Variants in EXOC4 observed in about 807,000 individuals in gnomAD.
EXOC4 encodes SEC8-like 1.
Under a neutral mutation model 107.2 loss-of-function variants are expected in EXOC4, and 71 were observed. The observed-to-expected ratio is 0.66, with a 90% confidence interval of 0.55 to 0.81. EXOC4 has a LOEUF of 0.81. EXOC4 is among the 30% of genes least tolerant of loss of function. EXOC4 has a pLI of 0.00. For missense variants in EXOC4, 1,108 were observed against 1,189.6 expected (o/e 0.93, Z 1.01); for synonymous variants, 456 against 441.2 (o/e 1.03, Z -0.42).
intron 17 of EXOC4, among the ~76,000 whole-genome samples, chr7:134,024,407 C>T (rs989455045): frequency 2.0e-5 from 3 of 151,188 alleles, no homozygotes; most frequent in East Asian, 1.9e-4. Flanking sequence ...GCCGAGATCG[C>T]GCCACTGCAC....
chr7:133,271,164 C>T (rs779906498), intron 1 of EXOC4, among the ~76,000 whole-genome samples: 17 of 151,972 alleles, frequency 1.1e-4, no homozygotes, highest in Non-Finnish European at 2.2e-4. Flanking sequence ...GTGATCTGCC[C>T]GCCCCGGCCT....
chr7:133,834,133 T>A (rs1165765907), intron 11 of EXOC4, among the ~76,000 whole-genome samples: 2 of 152,066 alleles, frequency 1.3e-5, no homozygotes, highest in Non-Finnish European at 2.9e-5. Context: ...TATGATGAGG[T>A]TTCTCTTCAA....
chr7:133,781,134 C>A (rs1796457456), intron 10 of EXOC4, among the ~76,000 whole-genome samples: 2 of 152,156 alleles, frequency 1.3e-5, no homozygotes, highest in Admixed American at 6.5e-5. Flanking sequence ...TTATGTCTTT[C>A]TATATAATGG....
intron 10 of EXOC4, among the ~76,000 whole-genome samples, chr7:133,801,803 A>G (rs1469132599): frequency 6.6e-6 from 1 of 152,278 alleles, no homozygotes; most frequent in East Asian, 1.9e-4. Flanking sequence ...ATCATGTCCT[A>G]CCCATTCTGG....
intron 5 of EXOC4, among the ~76,000 whole-genome samples, chr7:133,355,416 T>C (rs1795999727): frequency 1.3e-5 from 2 of 151,734 alleles, no homozygotes; most frequent in Admixed American, 1.3e-4. Flanking sequence ...TAACGTCCTG[T>C]TTTTTTTGGC....
intron 10 of EXOC4, among the ~76,000 whole-genome samples, chr7:133,671,884 G>A (rs1166977868): frequency 1.3e-5 from 2 of 152,190 alleles, no homozygotes; most frequent in African/African-American, 4.8e-5. Flanking sequence ...GTAAGATCGT[G>A]AGTTTGGTTT....
intron 10 of EXOC4, among the ~76,000 whole-genome samples, chr7:133,655,293 G>A (rs1188688219): frequency 6.6e-6 from 1 of 152,038 alleles, no homozygotes; most frequent in Non-Finnish European, 1.5e-5. Context: ...TTAAATTAGG[G>A]TAGTTAGCAT....
chr7:133,450,203 T>C (rs1480390243), intron 7 of EXOC4, among the ~76,000 whole-genome samples: 1 of 152,108 alleles, frequency 6.6e-6, no homozygotes, highest in African/African-American at 2.4e-5. Context: ...GACAGAGTCT[T>C]GCCCTGTTGC....
chr7:133,834,632 G>A (rs1414795867), intron 11 of EXOC4, among the ~76,000 whole-genome samples: 1 of 152,214 alleles, frequency 6.6e-6, no homozygotes, highest in Non-Finnish European at 1.5e-5. Context: ...AGAATTAATA[G>A]GGTGGAAGGA....
chr7:133,317,317 T>C lies in EXOC4; in HGVS notation c.690T>C (p.Ile230=). The C allele has an allele frequency of 6.2e-7, 1 of 1,613,766 alleles. No individual in the cohort carries two copies. The highest frequency in any genetic ancestry group is 2.2e-5 in the East Asian group (1 of 44,874). ...SLVKDASVPL[I]DVTNLPTPRK... ...TGAAAGATGCTTCTGTTCCTCTGAT[T>C]GATGTTACAAACCTCCCTACTCCTC... Residue 230 remains isoleucine (I), a synonymous_variant, in exon 5 of 18, where the codon ATT becomes ATC. Transcript: ENST00000253861.
intron 10 of EXOC4, among the ~76,000 whole-genome samples, chr7:133,696,774 T>C (rs1585085510): frequency 6.6e-6 from 1 of 152,336 alleles, no homozygotes; most frequent in South Asian, 2.1e-4. Context: ...ACCACAATTT[T>C]ATTTAATTTC....
At chr7:133,970,339 T>C (rs1294461700) in intron 14 of EXOC4, among the ~76,000 whole-genome samples, 1 of 151,720 alleles carries the variant, frequency 6.6e-6, no homozygotes, top group Non-Finnish European at 1.5e-5. Flanking sequence ...CAGCCCCCTT[T>C]CCAGGGGGGT....
chr7:133,751,888 T>C (rs915964824), intron 10 of EXOC4, among the ~76,000 whole-genome samples: 1 of 151,958 alleles, frequency 6.6e-6, no homozygotes, highest in Non-Finnish European at 1.5e-5. Flanking sequence ...CCCATACTTA[T>C]AATTTCAGAA....
the EXOC4 span, among the ~76,000 whole-genome samples, chr7:134,078,168 T>C: frequency 2.1e-3 from 314 of 152,264 alleles, no homozygotes; most frequent in Middle Eastern, 0.01. Flanking sequence ...ATTTATGTCT[T>C]TTGCTTTACC....
At chr7:133,940,395 A>G (rs962164751) in intron 14 of EXOC4, among the ~76,000 whole-genome samples, 6 of 152,230 alleles carry the variant, frequency 3.9e-5, no homozygotes, top group African/African-American at 1.4e-4. Context: ...GATCTCATCT[A>G]CCACGCCTGT....
intron 14 of EXOC4, among the ~76,000 whole-genome samples, chr7:133,986,354 A>G (rs928537842): frequency 6.6e-6 from 1 of 152,230 alleles, no homozygotes; most frequent in Non-Finnish European, 1.5e-5. Flanking sequence ...ACATAGCAAA[A>G]GAACTTAAAA....
intron 10 of EXOC4, among the ~76,000 whole-genome samples, chr7:133,790,951 G>A (rs1030881501): frequency 6.6e-6 from 1 of 152,168 alleles, no homozygotes; most frequent in East Asian, 1.9e-4. Flanking sequence ...ACATTACATC[G>A]ATTGAATTGT....
chr7:133,748,327 G>C (rs1795720295), intron 10 of EXOC4, among the ~76,000 whole-genome samples: 1 of 152,190 alleles, frequency 6.6e-6, no homozygotes, highest in Middle Eastern at 3.4e-3. Flanking sequence ...ACTCTACAGT[G>C]ACCCTTCTTC....
At chr7:133,935,912 A>G (rs1230892335) in intron 13 of EXOC4, among the ~76,000 whole-genome samples, 1 of 152,138 alleles carries the variant, frequency 6.6e-6, no homozygotes, top group African/African-American at 2.4e-5. Flanking sequence ...ATCACACTTA[A>G]TCCTTACATT....
Sources: allele counts gnomAD v4.1 joint callset (sites outside exome capture counted in the v4.1 genomes callset), GRCh38; gene constraint gnomAD v4.1.1; transcripts MANE v1.5; gene names NCBI Gene and HGNC (gene_info 2026-07-23, HGNC 2026-07-21).